Variants in TENM3 observed in about 807,000 individuals in gnomAD.
TENM3 encodes the protein teneurin-3.
A neutral mutation model predicts 255.1 loss-of-function variants in TENM3; 63 were observed. The ratio of observed to expected loss-of-function variants is 0.25; its 90% CI spans 0.20 to 0.30. The LOEUF (loss-of-function observed/expected upper bound fraction) is 0.30. Among genes scored for constraint, TENM3 ranks in the 10% least tolerant of loss-of-function variants. The pLI, the probability that TENM3 is intolerant of heterozygous loss-of-function variation, is 1.00. For missense variants in TENM3, 2,929 were observed against 3,461.1 expected, an observed-to-expected ratio of 0.85 and a Z score of 3.86; for synonymous variants, 1,306 against 1,322.3, an observed-to-expected ratio of 0.99 and a Z score of 0.27.
chr4:181,778,758 C>A, the TENM3 span, among the ~76,000 whole-genome samples: 1 of 152,132 alleles, frequency 6.6e-6, no homozygotes, highest in Non-Finnish European at 1.5e-5. Flanking sequence ...TCAGCAGCAT[C>A]CATTTCTCTG....
At chr4:181,844,451 G>A in the TENM3 span, among the ~76,000 whole-genome samples, 2 of 151,962 alleles carry the variant, frequency 1.3e-5, no homozygotes, top group African/African-American at 2.4e-5. Flanking sequence ...GGCGGATCAC[G>A]AGGTCAGGAG....
chr4:182,381,963 T>C (rs1260717734), intron 3 of TENM3, among the ~76,000 whole-genome samples: 1 of 152,204 alleles, frequency 6.6e-6, no homozygotes, highest in East Asian at 1.9e-4. Context: ...GTAGAGGTCT[T>C]GAGTGAGTAT....
At chr4:181,789,641 A>G in the TENM3 span, among the ~76,000 whole-genome samples, 1 of 152,062 alleles carries the variant, frequency 6.6e-6, no homozygotes, top group Non-Finnish European at 1.5e-5. Flanking sequence ...CAGAAAGACC[A>G]AGCAGTTATA....
intron 4 of TENM3, among the ~76,000 whole-genome samples, chr4:182,606,213 T>C (rs1227439746): frequency 2.6e-5 from 4 of 152,138 alleles, no homozygotes; most frequent in African/African-American, 4.8e-5. Flanking sequence ...AGAACACTTA[T>C]CACAATATCA....
At chr4:182,007,770 C>T in the TENM3 span, among the ~76,000 whole-genome samples, 40 of 152,050 alleles carry the variant, frequency 2.6e-4, no homozygotes, top group Non-Finnish European at 3.1e-4. Flanking sequence ...GTCATCGTGA[C>T]GCTATTTGGT....
chr4:182,316,136 G>A (rs1762736684), intron 1 of TENM3, among the ~76,000 whole-genome samples: 1 of 152,104 alleles, frequency 6.6e-6, no homozygotes, highest in South Asian at 2.1e-4. Flanking sequence ...CAACCATGGT[G>A]GATTTTATCT....
In TENM3 at chr4:182,653,787, C is replaced by T; in HGVS notation, c.1005C>T (p.Gly335=). The change falls in exon 6 of 28, where the codon GGC becomes GGT. Residue 335 remains glycine (G), a synonymous_variant. Coordinates refer to ENST00000511685, the MANE Select transcript of TENM3 (RefSeq NM_001080477.4). ...LSYFIAMHLF[G]LNWQLQQTEN... ...TACCCCCAGCAATGCATCTCTTTGG[C>T]CTCAACTGGCAGCTACAGCAGACTG... is the stretch of plus-strand genomic sequence containing the variant. 6.2e-7 allele frequency: 1 copy of T among 1,611,032 alleles called. No individual in the cohort carries two copies. The highest frequency in any genetic ancestry group is 8.5e-7 in the Non-Finnish European group (1 of 1,178,494).
the TENM3 span, among the ~76,000 whole-genome samples, chr4:181,742,142 G>A: frequency 3.3e-5 from 5 of 151,902 alleles, no homozygotes; most frequent in African/African-American, 1.2e-4. Flanking sequence ...TTTAAAACAT[G>A]TAGATTTATT....
At chr4:182,705,721 C>A (rs1054659707) in intron 12 of TENM3, among the ~76,000 whole-genome samples, 2 of 152,214 alleles carry the variant, frequency 1.3e-5, no homozygotes, top group Non-Finnish European at 2.9e-5. Flanking sequence ...ACTCCTTAGA[C>A]CTCATTTTTA....
At chr4:182,630,561 G>A (rs949791607) in intron 5 of TENM3, among the ~76,000 whole-genome samples, 1 of 152,256 alleles carries the variant, frequency 6.6e-6, no homozygotes, top group African/African-American at 2.4e-5. Flanking sequence ...GTTGGCTGAG[G>A]GGAGGGAGAG....
At chr4:182,374,292 C>A (rs1561379277) in intron 3 of TENM3, among the ~76,000 whole-genome samples, 1 of 152,146 alleles carries the variant, frequency 6.6e-6, no homozygotes, top group Non-Finnish European at 1.5e-5. Context: ...GAATTTCAAT[C>A]CTGCTGTTTT....
At chr4:182,028,480 T>C in the TENM3 span, among the ~76,000 whole-genome samples, 2 of 152,186 alleles carry the variant, frequency 1.3e-5, no homozygotes, top group African/African-American at 2.4e-5. Context: ...TATTTTCTTC[T>C]ATTAATTTGG....
intron 1 of TENM3, among the ~76,000 whole-genome samples, chr4:182,318,673 A>T (rs186704102): frequency 1.3e-5 from 2 of 152,194 alleles, no homozygotes; most frequent in Non-Finnish European, 2.9e-5. Flanking sequence ...TGCTATGGTT[A>T]GTAGCTGAGT....
the TENM3 span, among the ~76,000 whole-genome samples, chr4:181,464,672 C>T: frequency 2.3e-4 from 35 of 151,910 alleles, no homozygotes; most frequent in African/African-American, 8.5e-4. Context: ...TCCAAGTAGC[C>T]AGGCGCAGTG....
the TENM3 span, among the ~76,000 whole-genome samples, chr4:181,828,651 C>G: frequency 6.6e-6 from 1 of 152,098 alleles, no homozygotes; most frequent in African/African-American, 2.4e-5. Flanking sequence ...TGCAGTGGCA[C>G]CATCTCAGCT....
At chr4:182,473,680 A>G in intron 3 of TENM3, among the ~76,000 whole-genome samples, 1 of 152,068 alleles carries the variant, frequency 6.6e-6, no homozygotes, top group Non-Finnish European at 1.5e-5. Context: ...CTAAAAAAAA[A>G]TAAAATAAAA....
chr4:181,802,225 G>T, the TENM3 span, among the ~76,000 whole-genome samples: 1 of 152,156 alleles, frequency 6.6e-6, no homozygotes, highest in Non-Finnish European at 1.5e-5. Flanking sequence ...TACTATTATG[G>T]CTATTGTGTT....
At chr4:182,250,281 T>TGATCTCATGATCCACC (rs1554038348) in intron 1 of TENM3, among the ~76,000 whole-genome samples, 1 of 149,870 alleles carries the variant, frequency 6.7e-6, no homozygotes, top group Non-Finnish European at 1.5e-5. Flanking sequence ...CTCGATCTCC[T>TGATCTCATGATCCACC]GACCTCATGA....
the TENM3 span, among the ~76,000 whole-genome samples, chr4:181,611,564 A>G: frequency 6.6e-6 from 1 of 152,156 alleles, no homozygotes; most frequent in Admixed American, 6.6e-5. Flanking sequence ...GTCTTGTATT[A>G]CACGATACGG....
Sources: gnomAD v4.1 joint callset for allele counts (sites outside exome capture counted in the v4.1 genomes callset) on GRCh38, gnomAD v4.1.1 for gene constraint, MANE v1.5 for transcripts, NCBI Gene and HGNC (gene_info 2026-07-23, HGNC 2026-07-21) for gene names.